GNAQ: variants seen among roughly 807,000 people sequenced by gnomAD.
GNAQ encodes guanine nucleotide-binding protein G(q) subunit alpha.
Under a neutral mutation model 43.9 loss-of-function variants are expected in GNAQ, and 8 were observed. That is an observed-to-expected ratio of 0.18 (90% CI 0.11 to 0.33). The LOEUF is 0.33. Among genes scored for constraint, GNAQ ranks in the 10% least tolerant of loss-of-function variants. The pLI, the probability that GNAQ is intolerant of heterozygous loss-of-function variation, is 1.00. For missense variants in GNAQ, 158 were observed against 450.8 expected, an observed-to-expected ratio of 0.35 and a Z score of 5.88; for synonymous variants, 155 against 170.7, an observed-to-expected ratio of 0.91 and a Z score of 0.71.
rs201469041 is a variant in GNAQ, at chr9:77,718,726, A to T, written c.*2597T>A. On this transcript the variant is annotated 3_prime_UTR_variant, in exon 7 of 7. Coordinates refer to ENST00000286548, the MANE Select transcript of GNAQ (RefSeq NM_002072.5). ...GTAGGCCTTCAAATGTTGTTGTTTA[A>T]TTTTTTTTTTTTTTTTTTTTTTTTT... The T allele has an allele frequency of 5.5e-4, 63 of 114,354 alleles. No homozygotes were observed. The highest frequency in any genetic ancestry group is 9.5e-4 in the East Asian group (8 of 8,424). The allele number at this position is 114,354 out of a possible 1,614,324, so 7.1% of individuals were successfully genotyped here.
At chr9:77,808,125 CA>C (rs1265748216) in intron 3 of GNAQ, among the ~76,000 whole-genome samples, 7 of 151,996 alleles carry the variant, frequency 4.6e-5, no homozygotes, top group African/African-American at 1.7e-4. Context: ...AAAATGTGAG[CA>C]AACAGCAAAC....
rs533435632 is a variant in GNAQ at position 77,896,239 on chromosome 9, C to T, written c.321+25922G>A. On this transcript the variant is annotated intron_variant, in intron 2 of 6. Coordinates refer to ENST00000286548, the MANE Select transcript of GNAQ (RefSeq NM_002072.5). ...GCTAAATTGGAACACTTGTGAATTA[C>T]TTAATAAACTTCAGTAGCTATTTCC... Among the ~76,000 whole-genome samples the T allele has an allele frequency of 1.5e-3, 232 of 152,244 alleles. 1 individual carries two copies. The highest frequency in any genetic ancestry group is 5.2e-3 in the African/African-American group (217 of 41,534).
chr9:77,937,762 C>T (rs376228271), intron 1 of GNAQ, among the ~76,000 whole-genome samples: 1 of 152,064 alleles, frequency 6.6e-6, no homozygotes, highest in Non-Finnish European at 1.5e-5. Flanking sequence ...CGTGGTGGGG[C>T]ATGCCTGTAG....
At chr9:78,001,867 A>G (rs939056242) in intron 1 of GNAQ, among the ~76,000 whole-genome samples, 2 of 152,230 alleles carry the variant, frequency 1.3e-5, no homozygotes, top group African/African-American at 4.8e-5. Context: ...ATTCTACTAC[A>G]CAAGTTCTAA....
intron 2 of GNAQ, among the ~76,000 whole-genome samples, chr9:77,912,124 G>A (rs529668936): frequency 3.5e-4 from 54 of 152,168 alleles, no homozygotes; most frequent in Non-Finnish European, 7.3e-5. Context: ...ACAACACTGA[G>A]TGACTTCTAC....
chr9:77,805,545 C>T (rs1257914046), intron 3 of GNAQ, among the ~76,000 whole-genome samples: 1 of 152,026 alleles, frequency 6.6e-6, no homozygotes, highest in Non-Finnish European at 1.5e-5. Flanking sequence ...GCTGGGATTA[C>T]ATGCGCGCAG....
At chr9:77,771,414 C>T (rs1440449601) in intron 5 of GNAQ, among the ~76,000 whole-genome samples, 2 of 152,124 alleles carry the variant, frequency 1.3e-5, no homozygotes, top group South Asian at 2.1e-4. Context: ...AGGAAGAGCA[C>T]GTTTAGTGTC....
At chr9:77,828,501 A>G (rs1393627472) in intron 2 of GNAQ, among the ~76,000 whole-genome samples, 1 of 152,172 alleles carries the variant, frequency 6.6e-6, no homozygotes, top group African/African-American at 2.4e-5. Flanking sequence ...CACAGTCTTC[A>G]CAGCACAATT....
At chr9:77,857,532 G>A (rs1587367675) in intron 2 of GNAQ, among the ~76,000 whole-genome samples, 1 of 148,318 alleles carries the variant, frequency 6.7e-6, no homozygotes, top group Admixed American at 6.8e-5. Flanking sequence ...AAGGAAGGAA[G>A]GGAAGAAGGA....
chr9:77,842,825 T>C (rs568226902), intron 2 of GNAQ, among the ~76,000 whole-genome samples: 6 of 152,150 alleles, frequency 3.9e-5, no homozygotes, highest in Non-Finnish European at 8.8e-5. Context: ...TGGGTACGTG[T>C]ATCTTCTGCC....
At chr9:77,823,910 A>G (rs1827152804) in intron 2 of GNAQ, among the ~76,000 whole-genome samples, 1 of 152,180 alleles carries the variant, frequency 6.6e-6, no homozygotes, top group African/African-American at 2.4e-5. Flanking sequence ...CAGCAAATCT[A>G]TTTTATTACA....
intron 1 of GNAQ, among the ~76,000 whole-genome samples, chr9:77,985,987 TATACGGCCTTAATATTCGA>T (rs1233834053): frequency 2.0e-5 from 3 of 152,182 alleles, no homozygotes; most frequent in African/African-American, 7.2e-5. Context: ...AGTTTGACTG[TATACGGCCTTAATATTCGA>T]AGCAGTCAGA....
Position 77,719,059 on chromosome 9 carries a change from G to A in GNAQ, c.*2264C>T, listed in dbSNP as rs901349253. ...TTATAATCAGTATACCTCTACTCAG[G>A]AATGTGCAAATGATTTTATACAGCA... On this transcript the variant is annotated 3_prime_UTR_variant, in exon 7 of 7. Coordinates refer to ENST00000286548, the MANE Select transcript of GNAQ (RefSeq NM_002072.5). 34 of 230,718 alleles carry A rather than the reference G, an allele frequency of 1.5e-4. No individual in the cohort carries two copies. Among genetic ancestry groups the A allele is most frequent in the African/African-American group, 6.2e-4 (28 of 45,040 alleles). 14.3% of individuals were successfully genotyped at this position (230,718 alleles called of 1,614,324 possible). A position where few individuals can be genotyped will look rare whatever the true frequency, so the allele number is the denominator to read the frequency against.
At chr9:77,856,739 G>C (rs1481998462) in intron 2 of GNAQ, among the ~76,000 whole-genome samples, 1 of 152,140 alleles carries the variant, frequency 6.6e-6, no homozygotes, top group Non-Finnish European at 1.5e-5. Flanking sequence ...CTTTCTAAAT[G>C]CATCTGTTTA....
At chr9:77,793,791 T>C (rs1826614735) in intron 5 of GNAQ, among the ~76,000 whole-genome samples, 1 of 152,098 alleles carries the variant, frequency 6.6e-6, no homozygotes, top group Non-Finnish European at 1.5e-5. Context: ...TCGTCAGGTC[T>C]TTACCATCCT....
At chr9:77,948,343 T>TC (rs988009761) in intron 1 of GNAQ, among the ~76,000 whole-genome samples, 1 of 152,216 alleles carries the variant, frequency 6.6e-6, no homozygotes, top group Admixed American at 6.5e-5. Flanking sequence ...CTCACTGGAC[T>TC]GCAGGCTCAC....
At chr9:77,827,864 G>T (rs1355847506) in intron 2 of GNAQ, among the ~76,000 whole-genome samples, 1 of 151,296 alleles carries the variant, frequency 6.6e-6, no homozygotes, top group Non-Finnish European at 1.5e-5. Context: ...TTTAACCTAA[G>T]GCAGGAGAAA....
intron 1 of GNAQ, among the ~76,000 whole-genome samples, chr9:77,992,496 A>G (rs892655623): frequency 1.3e-5 from 2 of 152,168 alleles, no homozygotes; most frequent in African/African-American, 4.8e-5. Flanking sequence ...TGAGAGACAG[A>G]AGGACAGAGA....
At chr9:77,892,034 GTT>G (rs1179031010) in intron 2 of GNAQ, among the ~76,000 whole-genome samples, 1 of 152,022 alleles carries the variant, frequency 6.6e-6, no homozygotes, top group Non-Finnish European at 1.5e-5. Flanking sequence ...CCCCCAGATT[GTT>G]TTTTTGTTTG....
Sources: gnomAD v4.1 joint callset for allele counts (sites outside exome capture counted in the v4.1 genomes callset) on GRCh38, gnomAD v4.1.1 for gene constraint, MANE v1.5 for transcripts, NCBI Gene and HGNC (gene_info 2026-07-23, HGNC 2026-07-21) for gene names.